The following TOM1L2 variants were observed in gnomAD, a reference collection of about 807,000 sequenced individuals.
The protein encoded by TOM1L2 is TOM1-like protein 2.
TOM1L2 carries 31 observed loss-of-function variants against 67.9 expected under a neutral mutation model. The observed-to-expected ratio is 0.46, with a 90% CI of 0.34 to 0.62. The LOEUF is 0.62. TOM1L2 is among the 20% of genes least tolerant of loss of function. The probability of loss-of-function intolerance (pLI) is 0.01; values close to 1 mark genes in which losing one functional copy is unlikely to be tolerated. For synonymous variants in TOM1L2, 256 were observed against 254.0 expected, an observed-to-expected ratio of 1.01 and a Z score of -0.07; for missense variants, 606 against 663.5, an observed-to-expected ratio of 0.91 and a Z score of 0.95.
At chr17:17,859,948 G>A (rs900607734) in intron 12 of TOM1L2, 10 of 152,420 alleles carry the variant, frequency 6.6e-5, no homozygotes, top group Admixed American at 3.9e-4. Flanking sequence ...TGAAAACAGG[G>A]AGCTAGTCCA....
intron 2 of TOM1L2, among the ~76,000 whole-genome samples, chr17:17,903,406 G>C (rs974278146): frequency 2.6e-5 from 4 of 152,042 alleles, no homozygotes; most frequent in African/African-American, 9.7e-5. Context: ...GGCGGATCAC[G>C]AGGTAAGGGG....
At chr17:17,912,898 T>C (rs534055320) in intron 1 of TOM1L2, among the ~76,000 whole-genome samples, 3 of 152,192 alleles carry the variant, frequency 2.0e-5, no homozygotes, top group African/African-American at 7.2e-5. Flanking sequence ...GGGGCACCAC[T>C]GAGCACTGAG....
intron 7 of TOM1L2, among the ~76,000 whole-genome samples, chr17:17,877,735 T>A (rs2037493381): frequency 6.6e-6 from 1 of 152,080 alleles, no homozygotes; most frequent in African/African-American, 2.4e-5. Flanking sequence ...ATTTGATTTA[T>A]AAGATAGCAG....
intron 3 of TOM1L2, among the ~76,000 whole-genome samples, chr17:17,894,090 C>T (rs1289298120): frequency 6.6e-6 from 1 of 152,202 alleles, no homozygotes; most frequent in African/African-American, 2.4e-5. Flanking sequence ...GAGAAGGATG[C>T]TAGTGTTTTA....
At chr17:17,849,221 A>G (rs1419823647) in intron 13 of TOM1L2, among the ~76,000 whole-genome samples, 2 of 152,228 alleles carry the variant, frequency 1.3e-5, no homozygotes, top group African/African-American at 4.8e-5. Flanking sequence ...GGCACAGAGC[A>G]GTAGCCACAG....
chr17:17,884,798 A>G, intron 4 of TOM1L2, 30 bp from the exon 5 acceptor site: 1 of 1,612,088 alleles, frequency 6.2e-7, no homozygotes, highest in South Asian at 1.1e-5. Flanking sequence ...GTTAGGAAGC[A>G]TTTCTCAGAG....
rs143643996 is a variant in TOM1L2 at position 17,949,692 on chromosome 17, C to T, written c.52+22570G>A. Among the ~76,000 whole-genome samples, 3 of 152,230 alleles carry T rather than the reference C, an allele frequency of 2.0e-5. No homozygotes were observed. The East Asian group carries it at 5.8e-4, about 29-fold the overall frequency. ...CCTGGGGAAGGAAGGACAGAAGCAA[C>T]GGCCAGAAGGCTGGTGGTGTGTCCC... On this transcript the variant is annotated intron_variant, in intron 1 of 14. Transcript: ENST00000379504.
At chr17:17,924,200 T>C (rs2039997903) in intron 1 of TOM1L2, among the ~76,000 whole-genome samples, 1 of 152,036 alleles carries the variant, frequency 6.6e-6, no homozygotes, top group Non-Finnish European at 1.5e-5. Flanking sequence ...ATATAAAATG[T>C]CCAGAATAGG....
At chr17:17,879,228 G>C (rs2037587006) in intron 7 of TOM1L2, among the ~76,000 whole-genome samples, 1 of 152,118 alleles carries the variant, frequency 6.6e-6, no homozygotes, top group African/African-American at 2.4e-5. Context: ...CCAAAATACA[G>C]AAATAGTACA....
At chr17:17,956,686 G>A (rs537834981) in intron 1 of TOM1L2, among the ~76,000 whole-genome samples, 17 of 152,332 alleles carry the variant, frequency 1.1e-4, no homozygotes, top group African/African-American at 4.1e-4. Context: ...GCACTGGCGG[G>A]CCGGCACTGC....
intron 1 of TOM1L2, among the ~76,000 whole-genome samples, chr17:17,948,608 T>A (rs1012896294): frequency 8.6e-5 from 13 of 151,962 alleles, no homozygotes; most frequent in Admixed American, 2.6e-4. Context: ...GCTGGGACCA[T>A]GCCACTGAAC....
chr17:17,967,851 A>G (rs1014679927), intron 1 of TOM1L2, among the ~76,000 whole-genome samples: 1 of 151,598 alleles, frequency 6.6e-6, no homozygotes, highest in East Asian at 1.9e-4. Context: ...CAGGTGATCC[A>G]CCCGCCACGG....
chr17:17,915,384 G>A (rs185634819), intron 1 of TOM1L2, among the ~76,000 whole-genome samples: 1 of 152,250 alleles, frequency 6.6e-6, no homozygotes, highest in Admixed American at 6.5e-5. Context: ...GGTGTGAAGT[G>A]GTATCCCAGT....
chr17:17,874,138 TA>T (rs1327856865), intron 7 of TOM1L2, among the ~76,000 whole-genome samples: 6 of 151,994 alleles, frequency 3.9e-5, no homozygotes, highest in Non-Finnish European at 8.8e-5. Context: ...TGTATTTTAA[TA>T]GAGACGGGGT....
chr17:17,908,435 A>G (rs1360264949), intron 1 of TOM1L2, among the ~76,000 whole-genome samples: 1 of 152,258 alleles, frequency 6.6e-6, no homozygotes, highest in Admixed American at 6.5e-5. Flanking sequence ...CACAGGCAAC[A>G]AAAGAAAAAT....
At chr17:17,922,452 G>C (rs906697598) in intron 1 of TOM1L2, among the ~76,000 whole-genome samples, 1 of 152,186 alleles carries the variant, frequency 6.6e-6, no homozygotes, top group African/African-American at 2.4e-5. Flanking sequence ...TCTGGTAACA[G>C]CATGGGGGCT....
intron 14 of TOM1L2, 149 bp from the exon 15 acceptor site, chr17:17,847,932 C>G: frequency 3.0e-6 from 3 of 990,250 alleles, no homozygotes; most frequent in Non-Finnish European, 4.6e-6. Flanking sequence ...TCGTGAGCTG[C>G]AGTGTGGGGG....
chr17:17,905,364 G>A (rs2039045628), intron 2 of TOM1L2, among the ~76,000 whole-genome samples: 1 of 152,188 alleles, frequency 6.6e-6, no homozygotes, highest in Non-Finnish European at 1.5e-5. Context: ...GGAAACAGCA[G>A]CTCCATCCCA....
intron 11 of TOM1L2, 67 bp from the exon 12 acceptor site, chr17:17,861,618 T>C: frequency 7.2e-7 from 1 of 1,394,512 alleles, no homozygotes; most frequent in Non-Finnish European, 1.0e-6. Context: ...GATGGGGTAG[T>C]GGCCTGTAAT....
Sources: allele counts gnomAD v4.1 joint callset (sites outside exome capture counted in the v4.1 genomes callset), GRCh38; gene constraint gnomAD v4.1.1; transcripts MANE v1.5; gene names NCBI Gene and HGNC (gene_info 2026-07-23, HGNC 2026-07-21).